Variants in NME8 observed in about 807,000 individuals in gnomAD.
The protein encoded by NME8 is protein NME8.
Under a neutral mutation model 82.3 loss-of-function variants are expected in NME8, and 72 were observed. That is an observed-to-expected ratio of 0.87 (90% CI 0.72 to 1.06). The LOEUF (loss-of-function observed/expected upper bound fraction) is 1.06, where lower values mean the gene tolerates loss of function less well. Among genes scored for constraint, NME8 ranks in the 50% least tolerant of loss-of-function variants. The pLI is 0.00. For synonymous variants in NME8, 267 were observed against 228.5 expected (o/e 1.17, Z -1.52); for missense variants, 712 against 685.4 (o/e 1.04, Z -0.43).
intron 13 of NME8, among the ~76,000 whole-genome samples, chr7:37,884,724 T>A (rs1202291089): frequency 1.3e-5 from 2 of 152,208 alleles, no homozygotes; most frequent in Admixed American, 1.3e-4. Flanking sequence ...TACAATACTA[T>A]GAAGTTTAAG....
At chr7:37,887,884 C>A (rs1173020433) in intron 14 of NME8, among the ~76,000 whole-genome samples, 1 of 152,088 alleles carries the variant, frequency 6.6e-6, no homozygotes, top group Non-Finnish European at 1.5e-5. Context: ...CACTCACTAG[C>A]ACAAGAACAG....
intron 14 of NME8, among the ~76,000 whole-genome samples, chr7:37,887,289 C>G (rs566128708): frequency 2.6e-5 from 4 of 152,270 alleles, no homozygotes; most frequent in South Asian, 4.1e-4. Flanking sequence ...GTCTACTTCT[C>G]TTTTATTGCT....
At chr7:37,855,825 G>A (rs1337566122) in intron 5 of NME8, among the ~76,000 whole-genome samples, 1 of 151,880 alleles carries the variant, frequency 6.6e-6, no homozygotes, top group Non-Finnish European at 1.5e-5. Flanking sequence ...TAGTAATCCT[G>A]CACCTGCATA....
At chr7:37,870,192 A>G (rs1022157508) in intron 11 of NME8, among the ~76,000 whole-genome samples, 1 of 151,404 alleles carries the variant, frequency 6.6e-6, no homozygotes, top group Non-Finnish European at 1.5e-5. Flanking sequence ...AAGAAGAAGA[A>G]TTGTCTTGGG....
chr7:37,884,676 T>C (rs1785014036), intron 13 of NME8, among the ~76,000 whole-genome samples: 1 of 152,234 alleles, frequency 6.6e-6, no homozygotes, highest in Non-Finnish European at 1.5e-5. Context: ...AGGAAGTTAC[T>C]GGAGTCCCAT....
At position 37,881,489 on chromosome 7, in the gene NME8, T is replaced by C. The variant is rs554349475; in HGVS notation, c.995-2814T>C. ...TTTCAAATGTTGATCCACCCTGGCA[T>C]ACTTGGAATAAATCCAGCTTGGTCA... On this transcript the variant is annotated intron_variant, in intron 12 of 17. Transcript: ENST00000199447. Among the ~76,000 whole-genome samples, 3 of 152,362 alleles carry C rather than the reference T, an allele frequency of 2.0e-5. No individual in the cohort carries two copies. The East Asian group carries it at 5.8e-4, about 29-fold the overall frequency.
chr7:37,860,727 G>T (rs1784586559), intron 6 of NME8, among the ~76,000 whole-genome samples: 2 of 152,144 alleles, frequency 1.3e-5, no homozygotes, highest in South Asian at 4.1e-4. Context: ...AGCATTTCCA[G>T]TTGGGGTCTA....
chr7:37,865,040 A>T (rs1472983436), intron 9 of NME8, among the ~76,000 whole-genome samples: 3 of 152,196 alleles, frequency 2.0e-5, no homozygotes, highest in Non-Finnish European at 4.4e-5. Flanking sequence ...AAACCATATC[A>T]TTCTGCTCCT....
At chr7:37,878,789 T>A (rs1048939728) in intron 12 of NME8, among the ~76,000 whole-genome samples, 1 of 152,330 alleles carries the variant, frequency 6.6e-6, no homozygotes, top group South Asian at 2.1e-4. Context: ...CCCATATACC[T>A]GCTCCCTCCC....
Position 37,876,830 on chromosome 7 carries a change from A to G in NME8, c.819-2A>G, listed in dbSNP as rs1413459410. On this transcript the variant is annotated splice_acceptor_variant, in intron 11 of 17. Coordinates refer to ENST00000199447, the MANE Select transcript of NME8 (RefSeq NM_016616.5). LOFTEE classifies it high-confidence loss of function. ...CTTAAATTATATTTTGGATTTTGAC[A>G]GTTTACAAGAATATCTGGAAAGACA... 7 of 1,606,892 alleles carry G rather than the reference A, an allele frequency of 4.4e-6. No homozygotes were observed. Among genetic ancestry groups the G allele is most frequent in the African/African-American group, 2.7e-5 (2 of 74,834 alleles).
intron 15 of NME8, among the ~76,000 whole-genome samples, chr7:37,893,542 C>T (rs531185530): frequency 6.6e-6 from 1 of 152,262 alleles, no homozygotes; most frequent in African/African-American, 2.4e-5. Context: ...ACATTACTCA[C>T]TCTGCCTGCA....
At chr7:37,858,937 C>T (rs1351877875) in intron 6 of NME8, among the ~76,000 whole-genome samples, 1 of 152,024 alleles carries the variant, frequency 6.6e-6, no homozygotes, top group Non-Finnish European at 1.5e-5. Context: ...GAGCTAGTTA[C>T]TTAAAGAGCT....
chr7:37,854,336 T>A (rs1271529161), intron 5 of NME8, among the ~76,000 whole-genome samples: 1 of 151,816 alleles, frequency 6.6e-6, no homozygotes, highest in African/African-American at 2.4e-5. Flanking sequence ...ATTGAGTAGG[T>A]TGAGGAGGAG....
intron 8 of NME8, among the ~76,000 whole-genome samples, chr7:37,863,977 T>A (rs1182507592): frequency 6.6e-6 from 1 of 152,208 alleles, no homozygotes; most frequent in African/African-American, 2.4e-5. Context: ...GATGAATCTG[T>A]CGGTGATGTT....
At chr7:37,862,418 G>A (rs1013587848) in intron 7 of NME8, among the ~76,000 whole-genome samples, 6 of 152,022 alleles carry the variant, frequency 3.9e-5, no homozygotes, top group African/African-American at 1.2e-4. Context: ...GAAACCTTTC[G>A]GATAGTTCAC....
chr7:37,867,130 A>T lies in NME8; in HGVS notation c.622-572A>T, dbSNP rs143707028. ...GCATTTGTGTCTGGTGAGCAGCGGG[A>T]TGACTTTTGGCTCTGTCTGTCCTCT... is the stretch of plus-strand genomic sequence containing the variant. On this transcript the variant is annotated intron_variant, in intron 10 of 17. Transcript: ENST00000199447. 2.2e-3 allele frequency among the ~76,000 whole-genome samples: 341 copies of T among 152,288 alleles called. 1 individual carries two copies. Among genetic ancestry groups the T allele is most frequent in the Non-Finnish European group, 3.8e-3 (256 of 68,010 alleles).
At chr7:37,870,903 AGG>A (rs1201752871) in intron 11 of NME8, among the ~76,000 whole-genome samples, 2 of 152,134 alleles carry the variant, frequency 1.3e-5, no homozygotes, top group African/African-American at 4.8e-5. Context: ...CTTGCTCTGG[AGG>A]GAGGGCCTGA....
chr7:37,887,855 A>G lies in NME8; in HGVS notation c.1248-422A>G, dbSNP rs559396172. 1.8e-4 allele frequency among the ~76,000 whole-genome samples: 28 copies of G among 152,260 alleles called. 1 individual carries two copies. Among genetic ancestry groups the G allele is most frequent in the Middle Eastern group, 3.4e-3 (1 of 294 alleles). On this transcript the variant is annotated intron_variant, in intron 14 of 17. Transcript: ENST00000199447. ...TGTAATACCAGGTGCTTGTAAAACC[A>G]TCAGATCTTCTGAGAACTCACTCAC... is the stretch of plus-strand genomic sequence containing the variant.
Position 37,894,479 on chromosome 7 carries a change from GA to G in NME8, c.1414del (p.Ile472Ter). ...TSEQREQILK[I>X]VKEAGFDLTQ... ...TGTTTTTCTTAGAGCAGATCCTGAA[GA>G]TAGTTAAGGAGGCTGGATTTGATCT... On this transcript the variant is annotated frameshift_variant, in exon 16 of 18. Coordinates refer to ENST00000199447, the MANE Select transcript of NME8 (RefSeq NM_016616.5). LOFTEE classifies it high-confidence loss of function. The G allele has an allele frequency of 1.9e-6, 3 of 1,612,934 alleles. No individual in the cohort carries two copies. Among genetic ancestry groups the G allele is most frequent in the Non-Finnish European group, 2.5e-6 (3 of 1,179,212 alleles).
Sources: gnomAD v4.1 joint callset for allele counts (sites outside exome capture counted in the v4.1 genomes callset) on GRCh38, gnomAD v4.1.1 for gene constraint, MANE v1.5 for transcripts, NCBI Gene and HGNC (gene_info 2026-07-23, HGNC 2026-07-21) for gene names.